Variants in PCDH15 observed in about 807,000 individuals in gnomAD.
PCDH15 encodes protocadherin-15.
PCDH15 carries 129 observed loss-of-function variants against 178.5 expected under a neutral mutation model. The ratio of observed to expected loss-of-function variants is 0.72; its 90% CI spans 0.63 to 0.84. The LOEUF (loss-of-function observed/expected upper bound fraction) is 0.84. PCDH15 is among the 40% of genes least tolerant of loss of function. The probability of loss-of-function intolerance (pLI) is 0.00; values close to 1 mark genes in which losing one functional copy is unlikely to be tolerated. For synonymous variants in PCDH15, 800 were observed against 732.0 expected, an observed-to-expected ratio of 1.09 and a Z score of -1.50; for missense variants, 2,230 against 2,099.9, an observed-to-expected ratio of 1.06 and a Z score of -1.21.
At chr10:54,209,761 T>C (rs2051207881) in intron 10 of PCDH15, among the ~76,000 whole-genome samples, 1 of 152,070 alleles carries the variant, frequency 6.6e-6, no homozygotes, top group Non-Finnish European at 1.5e-5. Flanking sequence ...ATTAGGGAAA[T>C]TGAAAACTAG....
intron 2 of PCDH15, among the ~76,000 whole-genome samples, chr10:55,477,153 T>C (rs558323602): frequency 1.3e-5 from 2 of 152,096 alleles, no homozygotes; most frequent in South Asian, 4.1e-4. Flanking sequence ...CAACAGATAC[T>C]AAACATAAGA....
chr10:55,222,730 C>CACACACACACATATAT lies in PCDH15; in HGVS notation c.-155-56080_-155-56079insATATATGTGTGTGTGT. Among the ~76,000 whole-genome samples the CACACACACACATATAT allele has an allele frequency of 2.1e-4, 25 of 121,200 alleles. 1 individual carries two copies. The highest frequency in any genetic ancestry group is 6.1e-4 in the African/African-American group (18 of 29,482). The allele number at this position is 121,200 out of a possible 152,430, so 79.5% of individuals were successfully genotyped here. A position where few individuals can be genotyped will look rare whatever the true frequency, so the allele number is the denominator to read the frequency against. The stretch of plus-strand genomic sequence containing the variant: ...CTTTATACACACACACACACACACA[C>CACACACACACATATAT]ATATATATATATATATATATATATA... On this transcript the variant is annotated intron_variant, in intron 1 of 5. Transcript: ENST00000458638.
At chr10:54,164,283 T>C (rs554971656) in intron 13 of PCDH15, among the ~76,000 whole-genome samples, 2 of 152,312 alleles carry the variant, frequency 1.3e-5, no homozygotes, top group Non-Finnish European at 2.9e-5. Flanking sequence ...GTGTATTGTG[T>C]TAAATATTTC....
intron 18 of PCDH15, among the ~76,000 whole-genome samples, chr10:54,032,638 T>A (rs2093325314): frequency 6.6e-6 from 1 of 152,098 alleles, no homozygotes; most frequent in Non-Finnish European, 1.5e-5. Flanking sequence ...AAGACACATT[T>A]TGTTCTTTAA....
chr10:55,093,736 T>G (rs1266102053), intron 2 of PCDH15, among the ~76,000 whole-genome samples: 1 of 152,096 alleles, frequency 6.6e-6, no homozygotes, highest in East Asian at 1.9e-4. Flanking sequence ...GCAAAGGATA[T>G]GAATAGACAG....
chr10:54,024,176 G>C (rs1483158203), intron 18 of PCDH15, among the ~76,000 whole-genome samples: 1 of 152,038 alleles, frequency 6.6e-6, no homozygotes, highest in Non-Finnish European at 1.5e-5. Context: ...AATGTAATAA[G>C]AATTAATCTT....
chr10:54,492,367 C>T (rs1298324467), intron 3 of PCDH15, among the ~76,000 whole-genome samples: 1 of 152,136 alleles, frequency 6.6e-6, no homozygotes, highest in Non-Finnish European at 1.5e-5. Context: ...TGTTCTACAG[C>T]TGTGAAGGAT....
intron 3 of PCDH15, among the ~76,000 whole-genome samples, chr10:54,489,933 G>A (rs769661970): frequency 1.9e-4 from 29 of 152,008 alleles, no homozygotes; most frequent in Non-Finnish European, 2.8e-4. Context: ...GTGCACCTAG[G>A]TAAAATGTTT....
chr10:54,081,070 A>G (rs550905967), intron 16 of PCDH15, among the ~76,000 whole-genome samples: 1 of 152,126 alleles, frequency 6.6e-6, no homozygotes, highest in African/African-American at 2.4e-5. Context: ...TAAAAAGTAT[A>G]TTGTATATTT....
At chr10:54,067,323 A>G (rs994280505) in intron 17 of PCDH15, among the ~76,000 whole-genome samples, 1 of 152,216 alleles carries the variant, frequency 6.6e-6, no homozygotes, top group African/African-American at 2.4e-5. Context: ...TGGTACATCA[A>G]ATGAGCATTT....
At chr10:53,849,246 G>A (rs1038405376) in intron 28 of PCDH15, among the ~76,000 whole-genome samples, 34 of 151,926 alleles carry the variant, frequency 2.2e-4, no homozygotes, top group Non-Finnish European at 1.6e-4. Flanking sequence ...TTGCTGAGAA[G>A]GCATGGAGAA....
intron 3 of PCDH15, among the ~76,000 whole-genome samples, chr10:54,813,932 G>A (rs1042496329): frequency 2.6e-5 from 4 of 151,540 alleles, no homozygotes; most frequent in Admixed American, 2.6e-4. Context: ...CTACATTTTA[G>A]TGATTCTGAA....
chr10:54,985,555 G>A (rs1300990132), intron 2 of PCDH15, among the ~76,000 whole-genome samples: 1 of 152,000 alleles, frequency 6.6e-6, no homozygotes, highest in Admixed American at 6.6e-5. Flanking sequence ...CCTACAGTTG[G>A]GCAAAATCAT....
rs7904289 is a variant in PCDH15 at position 53,866,990 on chromosome 10, G to A, written c.3502-133C>T. On this transcript the variant is annotated intron_variant, in intron 26 of 37. Transcript: ENST00000644397. ...CACAATAAAGCCCTCCTAAATGTCT[G>A]TTTTTTCTGGATATAGTTATGTAGA... 493,136 of 663,604 alleles carry A rather than the reference G, an allele frequency of 0.74. 186,583 individuals are homozygous for A. Among genetic ancestry groups the A allele is most frequent in the East Asian group, 1 (36,561 of 36,586 alleles). 41.1% of individuals were successfully genotyped at this position (663,604 alleles called of 1,614,324 possible).
At chr10:55,410,853 G>A (rs1301102189) in intron 2 of PCDH15, among the ~76,000 whole-genome samples, 4 of 152,012 alleles carry the variant, frequency 2.6e-5, no homozygotes, top group African/African-American at 7.2e-5. Context: ...CGGTGTTTGC[G>A]TTTTCTAGGG....
intron 2 of PCDH15, among the ~76,000 whole-genome samples, chr10:55,328,358 AGC>A (rs1000515671): frequency 3.3e-5 from 5 of 151,872 alleles, no homozygotes; most frequent in Non-Finnish European, 7.4e-5. Context: ...TATGTGGTGC[AGC>A]CTACTACACA....
At chr10:54,490,077 G>T (rs1257939700) in intron 3 of PCDH15, among the ~76,000 whole-genome samples, 1 of 152,192 alleles carries the variant, frequency 6.6e-6, no homozygotes, top group African/African-American at 2.4e-5. Context: ...GAAGAGAAAT[G>T]TTGAGTGGCT....
chr10:55,389,334 A>AT (rs1041772347), intron 2 of PCDH15, among the ~76,000 whole-genome samples: 76 of 151,460 alleles, frequency 5.0e-4, no homozygotes, highest in East Asian at 3.1e-3. Flanking sequence ...CACTACAGTG[A>AT]TTTTTTTTTC....
chr10:54,092,089 A>G (rs1475225291), intron 15 of PCDH15, among the ~76,000 whole-genome samples: 1 of 152,138 alleles, frequency 6.6e-6, no homozygotes, highest in African/African-American at 2.4e-5. Flanking sequence ...AATTCAAACA[A>G]TAATCTATTG....
Sources: allele counts gnomAD v4.1 joint callset (sites outside exome capture counted in the v4.1 genomes callset), GRCh38; gene constraint gnomAD v4.1.1; transcripts MANE v1.5; gene names NCBI Gene and HGNC (gene_info 2026-07-23, HGNC 2026-07-21).